Variants in DLG2 observed in about 807,000 individuals in gnomAD.
DLG2 encodes the protein disks large homolog 2.
A neutral mutation model predicts 132.5 loss-of-function variants in DLG2; 45 were observed. The observed-to-expected ratio is 0.34, with a 90% confidence interval of 0.27 to 0.44. The LOEUF (loss-of-function observed/expected upper bound fraction) is 0.44, where lower values mean the gene tolerates loss of function less well. Among genes scored for constraint, DLG2 ranks in the 20% least tolerant of loss-of-function variants. The probability of loss-of-function intolerance (pLI) is 1.00; values close to 1 mark genes in which losing one functional copy is unlikely to be tolerated. For missense variants in DLG2, 1,045 were observed against 1,196.9 expected, an observed-to-expected ratio of 0.87 and a Z score of 1.87; for synonymous variants, 424 against 419.6, an observed-to-expected ratio of 1.01 and a Z score of -0.13.
chr11:85,139,358 A>G (rs889266543), intron 5 of DLG2, among the ~76,000 whole-genome samples: 5 of 152,144 alleles, frequency 3.3e-5, no homozygotes, highest in Admixed American at 6.6e-5. Context: ...GTATATGGCT[A>G]GAATCAGCAG....
intron 18 of DLG2, among the ~76,000 whole-genome samples, chr11:83,636,010 T>C (rs1436763052): frequency 1.3e-5 from 2 of 152,304 alleles, no homozygotes; most frequent in African/African-American, 4.8e-5. Context: ...ATGCTTTACA[T>C]TGCCACTTGA....
intron 7 of DLG2, among the ~76,000 whole-genome samples, chr11:84,504,384 A>G (rs2099232181): frequency 6.6e-6 from 1 of 152,186 alleles, no homozygotes. Flanking sequence ...GCTTATTAGA[A>G]CCCATTCTGG....
At chr11:84,353,830 C>T (rs2098596041) in intron 7 of DLG2, among the ~76,000 whole-genome samples, 2 of 152,130 alleles carry the variant, frequency 1.3e-5, no homozygotes, top group South Asian at 4.1e-4. Flanking sequence ...ACAACTTCAT[C>T]ATTTATTTTA....
chr11:85,243,672 A>T (rs1019645337), intron 4 of DLG2, among the ~76,000 whole-genome samples: 2 of 151,944 alleles, frequency 1.3e-5, no homozygotes, highest in Non-Finnish European at 2.9e-5. Flanking sequence ...GTCATATGCC[A>T]AAAACAAATA....
intron 9 of DLG2, among the ~76,000 whole-genome samples, chr11:84,142,569 T>C (rs902358888): frequency 5.9e-5 from 9 of 152,144 alleles, no homozygotes; most frequent in African/African-American, 2.2e-4. Context: ...CTGGAATAGA[T>C]TAGCATTTGA....
At chr11:85,618,943 T>C (rs1484618425) in intron 2 of DLG2, among the ~76,000 whole-genome samples, 1 of 152,246 alleles carries the variant, frequency 6.6e-6, no homozygotes, top group Admixed American at 6.5e-5. Flanking sequence ...TATCAAGTCA[T>C]TAGCATATGC....
chr11:84,640,470 C>T, intron 6 of DLG2: 1 of 471,226 alleles, frequency 2.1e-6, no homozygotes, highest in Non-Finnish European at 3.6e-6. Context: ...TGCTTTGATT[C>T]AGCAAGCCAC....
At chr11:83,967,940 C>T (rs979194186) in intron 12 of DLG2, among the ~76,000 whole-genome samples, 7 of 152,082 alleles carry the variant, frequency 4.6e-5, no homozygotes, top group African/African-American at 1.7e-4. Flanking sequence ...TGTGGAGATT[C>T]CATTTTCCCA....
intron 3 of DLG2, among the ~76,000 whole-genome samples, chr11:85,355,358 TA>T (rs1178635667): frequency 6.6e-6 from 1 of 152,160 alleles, no homozygotes; most frequent in African/African-American, 2.4e-5. Flanking sequence ...TATTATCCAT[TA>T]TTTTCTTTAT....
chr11:83,671,175 G>A (rs1413945197), intron 18 of DLG2, among the ~76,000 whole-genome samples: 1 of 152,158 alleles, frequency 6.6e-6, no homozygotes. Flanking sequence ...ACATGGCCCT[G>A]CAACGTGGTA....
intron 6 of DLG2, among the ~76,000 whole-genome samples, chr11:84,641,938 C>A (rs1432671151): frequency 6.6e-6 from 1 of 150,796 alleles, no homozygotes; most frequent in African/African-American, 2.4e-5. Context: ...CACACACACA[C>A]ATACACACAT....
intron 6 of DLG2, among the ~76,000 whole-genome samples, chr11:84,760,664 A>C (rs1234242734): frequency 6.6e-6 from 1 of 152,208 alleles, no homozygotes; most frequent in Non-Finnish European, 1.5e-5. Flanking sequence ...CTCTTCTGTG[A>C]CATTATGAGT....
chr11:83,674,271 A>G (rs1002329289), intron 18 of DLG2, among the ~76,000 whole-genome samples: 2 of 152,154 alleles, frequency 1.3e-5, no homozygotes, highest in South Asian at 4.1e-4. Flanking sequence ...TAACAAGAAT[A>G]TATTTCAATA....
Position 84,631,967 on chromosome 11 carries a change from T to C in DLG2, c.358-97236A>G, listed in dbSNP as rs193217382. Among the ~76,000 whole-genome samples the C allele has an allele frequency of 7.9e-5, 12 of 152,294 alleles. No individual in the cohort carries two copies. In the East Asian group the frequency reaches 2.1e-3, roughly 27 times the overall value. Reference sequence around the variant, plus strand: ...TTATTATGAGAACTAAATAAAAGGATGAGAAGTCCCTAACATAATATATAT... The same window carrying C: ...TTATTATGAGAACTAAATAAAAGGACGAGAAGTCCCTAACATAATATATAT... On this transcript the variant is annotated intron_variant, in intron 6 of 27. Coordinates refer to ENST00000376104, the MANE Select transcript of DLG2 (RefSeq NM_001142699.3).
chr11:84,455,401 C>T (rs1446732728), intron 7 of DLG2, among the ~76,000 whole-genome samples: 2 of 151,214 alleles, frequency 1.3e-5, no homozygotes, highest in Non-Finnish European at 3.0e-5. Flanking sequence ...AAGCAGTGTA[C>T]CTAATTTTAA....
intron 3 of DLG2, among the ~76,000 whole-genome samples, chr11:85,462,909 T>G (rs949220362): frequency 1.3e-5 from 2 of 152,180 alleles, no homozygotes; most frequent in African/African-American, 4.8e-5. Flanking sequence ...GTCATCGATC[T>G]GTTAAAATCA....
intron 9 of DLG2, among the ~76,000 whole-genome samples, chr11:84,150,216 G>A (rs893108222): frequency 6.6e-6 from 1 of 152,142 alleles, no homozygotes; most frequent in Non-Finnish European, 1.5e-5. Context: ...CCATTTGTTT[G>A]TGTCATCTCT....
At chr11:84,479,083 C>G (rs2099129793) in intron 7 of DLG2, among the ~76,000 whole-genome samples, 2 of 152,030 alleles carry the variant, frequency 1.3e-5, no homozygotes. Context: ...ACTGTTTGCT[C>G]ATAACAGAGG....
At chr11:84,571,868 G>T (rs2154527863) in intron 6 of DLG2, among the ~76,000 whole-genome samples, 1 of 152,154 alleles carries the variant, frequency 6.6e-6, no homozygotes, top group African/African-American at 2.4e-5. Flanking sequence ...AACATTTGGG[G>T]TTTAATAATA....
Sources: allele counts gnomAD v4.1 joint callset (sites outside exome capture counted in the v4.1 genomes callset), GRCh38; gene constraint gnomAD v4.1.1; transcripts MANE v1.5; gene names NCBI Gene and HGNC (gene_info 2026-07-23, HGNC 2026-07-21).